The following LIN9 variants were observed in gnomAD, a reference collection of about 807,000 sequenced individuals.
LIN9 encodes the protein lin-9 DREAM MuvB core complex component.
A neutral mutation model predicts 78.0 loss-of-function variants in LIN9; 18 were observed. The ratio of observed to expected loss-of-function variants is 0.23; its 90% CI spans 0.16 to 0.34. The LOEUF (loss-of-function observed/expected upper bound fraction) is 0.34. Ranked by LOEUF, LIN9 falls within the 10% of genes least tolerant of loss-of-function variation. LIN9 has a pLI of 1.00. For synonymous variants in LIN9, 192 were observed against 215.2 expected, an observed-to-expected ratio of 0.89 and a Z score of 0.94; for missense variants, 451 against 644.1, an observed-to-expected ratio of 0.70 and a Z score of 3.25.
intron 3 of LIN9, 82 bp downstream of exon 3, chr1:226,297,637 T>C (rs1202777830): frequency 1.1e-6 from 1 of 932,454 alleles, no homozygotes; most frequent in East Asian, 2.6e-5. Flanking sequence ...TTTTTTACTG[T>C]GCTGCAAGAA....
intron 10 of LIN9, among the ~76,000 whole-genome samples, chr1:226,254,753 T>C (rs1172013078): frequency 6.6e-6 from 1 of 151,422 alleles, no homozygotes; most frequent in Non-Finnish European, 1.5e-5. Context: ...CTACTAAAAA[T>C]ACAAAAAATT....
chr1:226,266,478 A>G, intron 8 of LIN9, 146 bp from the exon 9 acceptor site: 1 of 463,618 alleles, frequency 2.2e-6, no homozygotes, highest in Non-Finnish European at 3.4e-6. Context: ...AATTATTTAT[A>G]GAGTAGCATA....
At chr1:226,232,863 C>T (rs1558148374) in intron 14 of LIN9, 3 of 494,456 alleles carry the variant, frequency 6.1e-6, no homozygotes, top group African/African-American at 6.0e-5. Context: ...CCTCTAAGCT[C>T]AACCTCCATG....
intron 4 of LIN9, among the ~76,000 whole-genome samples, chr1:226,290,433 C>T (rs1447976598): frequency 1.3e-5 from 2 of 151,796 alleles, no homozygotes; most frequent in African/African-American, 2.4e-5. Flanking sequence ...CTCCACCTCC[C>T]GGGTTCACGC....
intron 12 of LIN9, among the ~76,000 whole-genome samples, chr1:226,238,661 A>C (rs1657901608): frequency 6.6e-6 from 1 of 152,114 alleles, no homozygotes; most frequent in Non-Finnish European, 1.5e-5. Context: ...AGAAGAAGAA[A>C]AAACAATGAC....
intron 7 of LIN9, among the ~76,000 whole-genome samples, chr1:226,274,429 G>T (rs1214664326): frequency 2.0e-5 from 3 of 152,154 alleles, no homozygotes; most frequent in African/African-American, 7.2e-5. Context: ...TTTCTCTGAA[G>T]ATTTTCTGTA....
intron 7 of LIN9, among the ~76,000 whole-genome samples, chr1:226,271,925 T>C (rs1376235568): frequency 6.6e-6 from 1 of 152,212 alleles, no homozygotes; most frequent in Non-Finnish European, 1.5e-5. Context: ...ACAGTTACTA[T>C]TTGCACTGCA....
Position 226,266,328 on chromosome 1 carries a change from T to C in LIN9, c.821A>G (p.Asn274Ser), listed in dbSNP as rs773125704. The change falls in exon 9 of 15, where the codon AAT becomes AGT. Residue 274 changes from asparagine to serine, a missense_variant. Transcript: ENST00000681046. ...AATTGGCATTGTCTCATGAGGTTCA[T>C]TACTCTGAGAAAACAGAATAATTCA... ...HTIPDYEVLS[N>S]EPHETMPIAA... 15 of 1,586,826 alleles carry C rather than the reference T, an allele frequency of 9.5e-6. No individual in the cohort carries two copies. In the African/African-American group the frequency reaches 1.2e-4, roughly 13 times the overall value.
intron 11 of LIN9, among the ~76,000 whole-genome samples, chr1:226,244,818 C>T (rs1658357895): frequency 6.6e-6 from 1 of 152,116 alleles, no homozygotes; most frequent in African/African-American, 2.4e-5. Flanking sequence ...AATTTCTGGC[C>T]CGTCAGTATG....
chr1:226,301,327 G>A (rs2102674701), intron 1 of LIN9, 122 bp from the exon 2 acceptor site: 2 of 643,776 alleles, frequency 3.1e-6, no homozygotes, highest in Non-Finnish European at 5.4e-6. Flanking sequence ...AAGAGATGGT[G>A]GAATGTGCAA....
In LIN9 at chr1:226,295,873, T is replaced by C. The variant is rs889770218; in HGVS notation, c.233A>G (p.Lys78Arg). The change falls in exon 4 of 15, where the codon AAA (lysine) becomes AGA (arginine). Residue 78 changes from lysine to arginine, a missense_variant. Transcript: ENST00000681046. ...AACCATTGCAACCCTCTGGTTTCTTTTAGGTGACCTTGTATTTATTTGCCT... is the reference window on the plus strand; with the variant it reads ...AACCATTGCAACCCTCTGGTTTCTTCTAGGTGACCTTGTATTTATTTGCCT... ...DDRQINTRSPKRNQRVAMVPQ... is the reference protein window; with the variant it reads ...DDRQINTRSPRRNQRVAMVPQ... 2 of 1,613,076 alleles carry C rather than the reference T, an allele frequency of 1.2e-6. No individual in the cohort carries two copies. Among genetic ancestry groups the C allele is most frequent in the Admixed American group, 1.7e-5 (1 of 59,774 alleles).
chr1:226,242,511 GA>G (rs1343802544), intron 11 of LIN9, among the ~76,000 whole-genome samples: 4 of 152,136 alleles, frequency 2.6e-5, no homozygotes, highest in Non-Finnish European at 4.4e-5. Flanking sequence ...ATATGTTTAT[GA>G]ATAAGAGGTA....
At chr1:226,246,080 G>A (rs1362806907) in intron 11 of LIN9, among the ~76,000 whole-genome samples, 1 of 152,166 alleles carries the variant, frequency 6.6e-6, no homozygotes, top group Non-Finnish European at 1.5e-5. Flanking sequence ...GTTATTTAAT[G>A]TGTCACTTAG....
intron 3 of LIN9, among the ~76,000 whole-genome samples, chr1:226,296,582 G>C (rs1241336722): frequency 1.3e-5 from 2 of 152,296 alleles, no homozygotes; most frequent in South Asian, 2.1e-4. Flanking sequence ...TTCATTAATA[G>C]AGAGAAAAAG....
chr1:226,280,030 A>G (rs994788002), intron 6 of LIN9, among the ~76,000 whole-genome samples: 11 of 152,316 alleles, frequency 7.2e-5, no homozygotes, highest in Admixed American at 7.2e-4. Flanking sequence ...ACACACCAAT[A>G]TAGCAGTTAA....
At chr1:226,246,810 A>G (rs1658510310) in intron 11 of LIN9, among the ~76,000 whole-genome samples, 1 of 151,728 alleles carries the variant, frequency 6.6e-6, no homozygotes, top group Middle Eastern at 3.4e-3. Flanking sequence ...AAAAAAAAAA[A>G]AAAGATAATG....
At chr1:226,294,384 C>T (rs1418013563) in intron 4 of LIN9, among the ~76,000 whole-genome samples, 2 of 151,740 alleles carry the variant, frequency 1.3e-5, no homozygotes, top group Non-Finnish European at 1.5e-5. Flanking sequence ...AGTTCAAGAT[C>T]GGCCTGACTA....
At chr1:226,266,190 T>A in intron 9 of LIN9, 23 bp downstream of exon 9, 1 of 1,479,672 alleles carries the variant, frequency 6.8e-7, no homozygotes, top group African/African-American at 1.4e-5. Context: ...ATTAAATTAT[T>A]GATATTTCTA....
At chr1:226,294,881 C>T (rs1662041788) in intron 4 of LIN9, among the ~76,000 whole-genome samples, 1 of 151,440 alleles carries the variant, frequency 6.6e-6, no homozygotes, top group Non-Finnish European at 1.5e-5. Context: ...CTCACTGCAA[C>T]CTCAGCCTCC....
Sources: gnomAD v4.1 joint callset for allele counts (sites outside exome capture counted in the v4.1 genomes callset) on GRCh38, gnomAD v4.1.1 for gene constraint, MANE v1.5 for transcripts, NCBI Gene and HGNC (gene_info 2026-07-23, HGNC 2026-07-21) for gene names.